ROR1: variants seen among roughly 807,000 people sequenced by gnomAD.
ROR1 encodes the protein inactive tyrosine-protein kinase transmembrane receptor ROR1.
ROR1 carries 19 observed loss-of-function variants against 78.8 expected under a neutral mutation model. The observed-to-expected ratio is 0.24, with a 90% CI of 0.17 to 0.35. ROR1 has a LOEUF of 0.35. ROR1 is among the 10% of genes least tolerant of loss of function. ROR1 has a pLI of 1.00. For missense variants in ROR1, 917 were observed against 1,177.8 expected, an observed-to-expected ratio of 0.78 and a Z score of 3.24; for synonymous variants, 386 against 433.6, an observed-to-expected ratio of 0.89 and a Z score of 1.36.
At chr1:64,132,653 A>G (rs955288352) in intron 4 of ROR1, among the ~76,000 whole-genome samples, 1 of 149,652 alleles carries the variant, frequency 6.7e-6, no homozygotes, top group Admixed American at 6.8e-5. Context: ...CCAGCTACTC[A>G]GGAGGCTGAG....
chr1:63,820,345 C>T (rs890367235), intron 1 of ROR1, among the ~76,000 whole-genome samples: 7 of 152,184 alleles, frequency 4.6e-5, no homozygotes, highest in Non-Finnish European at 7.3e-5. Flanking sequence ...TGTACTGCTG[C>T]AGGCCACAAA....
At chr1:63,826,802 C>T (rs571047354) in intron 1 of ROR1, among the ~76,000 whole-genome samples, 1 of 152,178 alleles carries the variant, frequency 6.6e-6, no homozygotes, top group East Asian at 1.9e-4. Flanking sequence ...CACAACCTCA[C>T]CAGCATCAGT....
chr1:63,951,797 G>A (rs776848694), intron 1 of ROR1, among the ~76,000 whole-genome samples: 5 of 152,130 alleles, frequency 3.3e-5, no homozygotes, highest in Non-Finnish European at 7.3e-5. Context: ...ACCTGGATCT[G>A]CCCCTGAGAA....
chr1:64,038,190 G>A (rs1039524037), intron 2 of ROR1, among the ~76,000 whole-genome samples: 4 of 151,888 alleles, frequency 2.6e-5, no homozygotes, highest in Non-Finnish European at 2.9e-5. Flanking sequence ...TCTACTCCTC[G>A]CCTCCCCTAA....
At chr1:63,803,385 C>T (rs1644807872) in intron 1 of ROR1, among the ~76,000 whole-genome samples, 1 of 151,682 alleles carries the variant, frequency 6.6e-6, no homozygotes, top group Non-Finnish European at 1.5e-5. Flanking sequence ...GCTCTGTCGC[C>T]CAGGCTGGAG....
chr1:64,060,622 G>C (rs999990401), intron 4 of ROR1, among the ~76,000 whole-genome samples: 2 of 152,134 alleles, frequency 1.3e-5, no homozygotes, highest in Admixed American at 6.6e-5. Context: ...AAGCAGTTCA[G>C]GGGGGAGGCA....
intron 1 of ROR1, among the ~76,000 whole-genome samples, chr1:63,945,811 A>G (rs546057992): frequency 6.6e-6 from 1 of 152,346 alleles, no homozygotes; most frequent in Non-Finnish European, 1.5e-5. Context: ...TGAATTACAT[A>G]TAGTTTACTA....
intron 8 of ROR1, among the ~76,000 whole-genome samples, chr1:64,163,984 C>T: frequency 6.6e-6 from 1 of 152,194 alleles, no homozygotes; most frequent in South Asian, 2.1e-4. Flanking sequence ...CCAAGTCTTC[C>T]TCCCCTTTAA....
At chr1:63,881,265 C>G (rs1645321238) in intron 1 of ROR1, among the ~76,000 whole-genome samples, 6 of 152,040 alleles carry the variant, frequency 3.9e-5, no homozygotes, top group Admixed American at 3.9e-4. Context: ...GAAGAGTGTT[C>G]CATGGGAAAA....
chr1:64,125,273 G>T (rs1463562842), intron 4 of ROR1, among the ~76,000 whole-genome samples: 1 of 152,154 alleles, frequency 6.6e-6, no homozygotes, highest in African/African-American at 2.4e-5. Context: ...TGGGGTAATT[G>T]CTTCACTCAA....
chr1:64,119,334 C>T (rs1293629019), intron 4 of ROR1, among the ~76,000 whole-genome samples: 1 of 152,104 alleles, frequency 6.6e-6, no homozygotes, highest in African/African-American at 2.4e-5. Flanking sequence ...CGATTCTCAA[C>T]AGCTTTTTAA....
chr1:63,842,805 A>G (rs1057500618), intron 1 of ROR1, among the ~76,000 whole-genome samples: 7 of 151,856 alleles, frequency 4.6e-5, no homozygotes, highest in African/African-American at 1.5e-4. Context: ...CCATTTATAC[A>G]CAGAACTGAA....
chr1:64,142,462 A>C lies in ROR1; in HGVS notation c.986A>C (p.Lys329Thr). The change falls in exon 7 of 9, where the codon AAA (lysine) becomes ACA (threonine). Residue 329 changes from lysine (K) to threonine (T), a missense_variant. Coordinates refer to ENST00000371079, the MANE Select transcript of ROR1 (RefSeq NM_005012.4). ...TACCGGGGGACCGTCAGTGTGACCA[A>C]ATCAGGGCGCCAGTGCCAGCCATGG... ...VDYRGTVSVT[K>T]SGRQCQPWNS... 6.2e-7 allele frequency: 1 copy of C among 1,614,160 alleles called. No homozygotes were observed. The highest frequency in any genetic ancestry group is 1.1e-5 in the South Asian group (1 of 91,082).
At chr1:63,971,283 G>A (rs1172622386) in intron 1 of ROR1, among the ~76,000 whole-genome samples, 1 of 152,110 alleles carries the variant, frequency 6.6e-6, no homozygotes, top group African/African-American at 2.4e-5. Context: ...ATACAAGGAG[G>A]ATATTAATAA....
In ROR1 at chr1:63,818,635, G is replaced by T. The variant is rs552112373; in HGVS notation, c.91+44127G>T. Among the ~76,000 whole-genome samples, 5 of 152,242 alleles carry T rather than the reference G, an allele frequency of 3.3e-5. No homozygotes were observed. The East Asian group carries it at 9.7e-4, about 29-fold the overall frequency. On this transcript the variant is annotated intron_variant, in intron 1 of 8. Coordinates refer to ENST00000371079, the MANE Select transcript of ROR1 (RefSeq NM_005012.4). The stretch of plus-strand genomic sequence containing the variant: ...TTTTTTTTAGGAAAAAGAGAAAATT[G>T]TTCTTATGTTTAGGTAGAGCCCAAA...
At chr1:63,968,003 G>A (rs1239918601) in intron 1 of ROR1, among the ~76,000 whole-genome samples, 1 of 152,120 alleles carries the variant, frequency 6.6e-6, no homozygotes, top group African/African-American at 2.4e-5. Flanking sequence ...CTTACATTTT[G>A]TTTCCTTTAA....
intron 1 of ROR1, among the ~76,000 whole-genome samples, chr1:63,897,452 GGAA>G (rs1325438573): frequency 1.1e-4 from 16 of 152,148 alleles, no homozygotes; most frequent in Non-Finnish European, 2.4e-4. Flanking sequence ...CAGGAAAAAG[GGAA>G]GAGAGGCTTT....
rs551381693 is a variant in ROR1 at position 63,932,518 on chromosome 1, C to A, written c.92-76787C>A. Among the ~76,000 whole-genome samples the A allele has an allele frequency of 7.2e-5, 11 of 152,308 alleles. No individual in the cohort carries two copies. The South Asian group carries it at 2.3e-3, about 32-fold the overall frequency. The stretch of plus-strand genomic sequence containing the variant: ...CATCATCATGTAAATTCTCTACCAT[C>A]CTGGCTTGGTCGGTAGCATTTCTAC... On this transcript the variant is annotated intron_variant, in intron 1 of 8. Transcript: ENST00000371079.
intron 1 of ROR1, among the ~76,000 whole-genome samples, chr1:63,804,529 T>A (rs1007812931): frequency 2.0e-5 from 3 of 152,238 alleles, no homozygotes; most frequent in African/African-American, 7.2e-5. Flanking sequence ...TTCCTAGAAC[T>A]CTACAGTGAA....
Sources: gnomAD v4.1 joint callset for allele counts (sites outside exome capture counted in the v4.1 genomes callset) on GRCh38, gnomAD v4.1.1 for gene constraint, MANE v1.5 for transcripts, NCBI Gene and HGNC (gene_info 2026-07-23, HGNC 2026-07-21) for gene names.